INPP4B: variants seen among roughly 807,000 people sequenced by gnomAD.
INPP4B encodes the protein inositol polyphosphate 4-phosphatase type II.
Under a neutral mutation model 122.5 loss-of-function variants are expected in INPP4B, and 55 were observed. The ratio of observed to expected loss-of-function variants is 0.45; its 90% CI spans 0.36 to 0.56. INPP4B has a LOEUF of 0.56. INPP4B is among the 20% of genes least tolerant of loss of function. The pLI, the probability that INPP4B is intolerant of heterozygous loss-of-function variation, is 0.00. For synonymous variants in INPP4B, 403 were observed against 388.7 expected (o/e 1.04, Z -0.43); for missense variants, 1,000 against 1,097.7 (o/e 0.91, Z 1.26).
intron 4 of INPP4B, 89 bp from the exon 5 acceptor site, chr4:142,429,306 G>C: frequency 1.4e-6 from 1 of 693,136 alleles, no homozygotes; most frequent in Non-Finnish European, 2.5e-6. Flanking sequence ...ATTGTGACCA[G>C]AATGAATAAA....
chr4:142,676,314 C>T (rs1327701943), intron 2 of INPP4B, among the ~76,000 whole-genome samples: 3 of 152,066 alleles, frequency 2.0e-5, no homozygotes, highest in Non-Finnish European at 4.4e-5. Context: ...TCAAGGAGAA[C>T]TACAAACCAC....
chr4:142,470,346 C>T (rs1341639581), intron 2 of INPP4B, among the ~76,000 whole-genome samples: 1 of 152,068 alleles, frequency 6.6e-6, no homozygotes, highest in Non-Finnish European at 1.5e-5. Context: ...TTCATTAATA[C>T]TCAAGGAAAT....
chr4:142,693,444 T>G (rs1760517663), intron 2 of INPP4B, among the ~76,000 whole-genome samples: 1 of 125,302 alleles, frequency 8.0e-6, no homozygotes, highest in Non-Finnish European at 1.6e-5. Flanking sequence ...ATTTTACAAC[T>G]TTCTGGCATT....
intron 12 of INPP4B, among the ~76,000 whole-genome samples, chr4:142,227,509 A>G (rs1852069333): frequency 6.6e-6 from 1 of 152,206 alleles, no homozygotes; most frequent in Non-Finnish European, 1.5e-5. Flanking sequence ...GAAAGTTATT[A>G]CAGCTTTTTA....
intron 2 of INPP4B, among the ~76,000 whole-genome samples, chr4:142,586,182 C>T (rs937073283): frequency 2.0e-5 from 3 of 151,978 alleles, no homozygotes; most frequent in East Asian, 1.9e-4. Context: ...TAATGGCTTC[C>T]GGACCTGTGG....
At chr4:142,404,074 G>T (rs538397821) in intron 6 of INPP4B, among the ~76,000 whole-genome samples, 1 of 152,152 alleles carries the variant, frequency 6.6e-6, no homozygotes, top group East Asian at 1.9e-4. Context: ...TATATAAAAT[G>T]AATAACTTAC....
At chr4:142,684,460 T>C (rs1043105977) in intron 2 of INPP4B, among the ~76,000 whole-genome samples, 1 of 152,004 alleles carries the variant, frequency 6.6e-6, no homozygotes, top group African/African-American at 2.4e-5. Context: ...TCTAATTTAA[T>C]GATATGAATG....
chr4:142,528,852 T>C (rs1361765227), intron 2 of INPP4B, among the ~76,000 whole-genome samples: 1 of 152,130 alleles, frequency 6.6e-6, no homozygotes. Context: ...TGTGCAGAAT[T>C]GAGTATTTCT....
At chr4:142,725,428 C>A (rs562756181) in intron 2 of INPP4B, among the ~76,000 whole-genome samples, 1 of 152,072 alleles carries the variant, frequency 6.6e-6, no homozygotes, top group South Asian at 2.1e-4. Context: ...TACATAAAGT[C>A]ATCTGACTAA....
intron 9 of INPP4B, among the ~76,000 whole-genome samples, chr4:142,272,105 T>G (rs1026064507): frequency 3.3e-5 from 5 of 152,216 alleles, no homozygotes; most frequent in Non-Finnish European, 5.9e-5. Flanking sequence ...TAGTCACATC[T>G]TTCATGAAAT....
At chr4:142,089,478 C>CAG (rs1184503102) in intron 23 of INPP4B, among the ~76,000 whole-genome samples, 12 of 143,374 alleles carry the variant, frequency 8.4e-5, no homozygotes, top group African/African-American at 2.3e-4. Context: ...CACACACACA[C>CAG]ACAGAGAGAG....
At chr4:142,568,335 A>G (rs1732093774) in intron 2 of INPP4B, among the ~76,000 whole-genome samples, 2 of 152,116 alleles carry the variant, frequency 1.3e-5, no homozygotes, top group African/African-American at 4.8e-5. Context: ...ACCAAGGTCC[A>G]AAGTCTGCCA....
At chr4:142,783,852 G>A (rs1044552263) in intron 1 of INPP4B, among the ~76,000 whole-genome samples, 1 of 152,088 alleles carries the variant, frequency 6.6e-6, no homozygotes, top group Non-Finnish European at 1.5e-5. Flanking sequence ...AGTGAATGTA[G>A]AGCAGGGTAA....
intron 2 of INPP4B, among the ~76,000 whole-genome samples, chr4:142,628,016 C>G (rs919400202): frequency 5.9e-5 from 9 of 151,814 alleles, no homozygotes; most frequent in Admixed American, 3.9e-4. Flanking sequence ...TCCATTTCTT[C>G]TAGATTTTCT....
At chr4:142,695,218 C>T (rs996800596) in intron 2 of INPP4B, among the ~76,000 whole-genome samples, 2 of 152,056 alleles carry the variant, frequency 1.3e-5, no homozygotes, top group African/African-American at 4.8e-5. Context: ...TTCAGAATAG[C>T]ATAAAGATAA....
At chr4:142,132,262 G>A (rs988331151) in intron 18 of INPP4B, among the ~76,000 whole-genome samples, 2 of 151,946 alleles carry the variant, frequency 1.3e-5, no homozygotes, top group African/African-American at 4.8e-5. Context: ...AATAAGATTG[G>A]AGAAGGTTTT....
intron 18 of INPP4B, among the ~76,000 whole-genome samples, chr4:142,138,541 A>G (rs1181847200): frequency 6.6e-6 from 1 of 152,098 alleles, no homozygotes; most frequent in Non-Finnish European, 1.5e-5. Flanking sequence ...TATAATAATA[A>G]TAAAATTAAA....
At chr4:142,621,062 T>C (rs1015736466) in intron 2 of INPP4B, among the ~76,000 whole-genome samples, 5 of 151,884 alleles carry the variant, frequency 3.3e-5, no homozygotes, top group African/African-American at 7.2e-5. Context: ...CATACTATAA[T>C]GTCTTAGTTA....
chr4:142,486,743 C>A (rs1821246484), intron 2 of INPP4B, among the ~76,000 whole-genome samples: 1 of 152,004 alleles, frequency 6.6e-6, no homozygotes, highest in Non-Finnish European at 1.5e-5. Context: ...TATATTTTAG[C>A]TCTTGCAATT....
Sources: gnomAD v4.1 joint callset for allele counts (sites outside exome capture counted in the v4.1 genomes callset) on GRCh38, gnomAD v4.1.1 for gene constraint, MANE v1.5 for transcripts, NCBI Gene and HGNC (gene_info 2026-07-23, HGNC 2026-07-21) for gene names.